The following SRI variants were observed in gnomAD, a reference collection of about 807,000 sequenced individuals.
The protein encoded by SRI is sorcin, also known as 22 kDa protein.
Under a neutral mutation model 33.3 loss-of-function variants are expected in SRI, and 30 were observed. The observed-to-expected ratio is 0.90, with a 90% CI of 0.67 to 1.22. SRI has a LOEUF of 1.22. SRI is among the 50% of genes most tolerant of loss of function. The pLI is 0.00. For missense variants in SRI, 243 were observed against 250.8 expected, an observed-to-expected ratio of 0.97 and a Z score of 0.21; for synonymous variants, 75 against 89.9, an observed-to-expected ratio of 0.83 and a Z score of 0.94.
At chr7:88,219,895 C>T in intron 1 of SRI, 81 bp downstream of exon 1, 1 of 1,496,644 alleles carries the variant, frequency 6.7e-7, no homozygotes, top group Non-Finnish European at 9.0e-7. Context: ...GCGCCTCACC[C>T]CGCTGGCCGC....
At chr7:88,220,152 C>T, upstream of SRI, 1 of 1,340,652 alleles carries the variant, frequency 7.5e-7, no homozygotes, top group East Asian at 3.1e-5. Context: ...ACGCGCTCCG[C>T]AGTCGTCTCC....
intron 3 of SRI, among the ~76,000 whole-genome samples, chr7:88,215,207 G>C (rs983832021): frequency 1.3e-4 from 20 of 152,154 alleles, no homozygotes; most frequent in African/African-American, 4.3e-4. Flanking sequence ...GGTTCAGTAC[G>C]GCCACCAGAG....
intron 6 of SRI, chr7:88,208,787 G>T (rs1851496244): frequency 1.7e-6 from 1 of 591,004 alleles, no homozygotes; most frequent in Non-Finnish European, 2.8e-6. Context: ...TGTGTTTTTT[G>T]TTTTTTTGTT....
At chr7:88,214,138 G>C (rs921920181) in intron 3 of SRI, among the ~76,000 whole-genome samples, 9 of 152,198 alleles carry the variant, frequency 5.9e-5, no homozygotes, top group Non-Finnish European at 1.0e-4. Flanking sequence ...CCCAGTAAGA[G>C]AATCAAGAAA....
At chr7:88,221,402 TCAATCATCAAGGTAG>T (rs1258674866), upstream of SRI, among the ~76,000 whole-genome samples, 1 of 152,180 alleles carries the variant, frequency 6.6e-6, no homozygotes, top group East Asian at 1.9e-4. Context: ...GTTACTGTTT[TCAATCATCAAGGTAG>T]CAATCATCAA....
At chr7:88,225,252 A>T (rs962767618) in intron 1 of SRI, among the ~76,000 whole-genome samples, 4 of 152,226 alleles carry the variant, frequency 2.6e-5, no homozygotes, top group African/African-American at 4.8e-5. Flanking sequence ...GGAATTTATT[A>T]TGGCTAAATA....
At chr7:88,223,294 A>G (rs1851930605), upstream of SRI, among the ~76,000 whole-genome samples, 1 of 152,210 alleles carries the variant, frequency 6.6e-6, no homozygotes, top group African/African-American at 2.4e-5. Flanking sequence ...TAATCTTAAT[A>G]AAAACCCATG....
chr7:88,224,154 C>G (rs1354902436), upstream of SRI, among the ~76,000 whole-genome samples: 2 of 152,156 alleles, frequency 1.3e-5, no homozygotes, highest in African/African-American at 4.8e-5. Context: ...TCACCCTTCC[C>G]AATTAAAGCT....
chr7:88,209,325 C>T lies in SRI; in HGVS notation c.511+14G>A, dbSNP rs773850312. On this transcript the variant is annotated intron_variant, in intron 6 of 7. Transcript: ENST00000265729. ...TCTTGGCTTGTGGTGATGACACGAC[C>T]TTATAGAACTCACCTGTAAGAGCCC... The T allele has an allele frequency of 6.2e-7, 1 of 1,605,140 alleles. No individual in the cohort carries two copies. Among genetic ancestry groups the T allele is most frequent in the South Asian group, 1.1e-5 (1 of 90,862 alleles).
At chr7:88,209,610 A>ATTATTTAT (rs1318947772) in intron 5 of SRI, among the ~76,000 whole-genome samples, 158 bp from the exon 6 acceptor site, 3 of 151,968 alleles carry the variant, frequency 2.0e-5, no homozygotes, top group Non-Finnish European at 4.4e-5. Context: ...TCAGGTAGCA[A>ATTATTTAT]TTATTTATTT....
At chr7:88,217,264 A>G in intron 2 of SRI, 73 bp from the exon 3 acceptor site, 1 of 1,199,082 alleles carries the variant, frequency 8.3e-7, no homozygotes, top group Admixed American at 1.7e-5. Context: ...GCATTCAATG[A>G]AGCAATAACA....
upstream of SRI, among the ~76,000 whole-genome samples, chr7:88,224,246 G>A (rs917255163): frequency 6.6e-6 from 1 of 152,196 alleles, no homozygotes; most frequent in Non-Finnish European, 1.5e-5. Flanking sequence ...CAAGACAAAC[G>A]GCAGTGTGGA....
chr7:88,219,358 T>C, intron 1 of SRI: 1 of 278,124 alleles, frequency 3.6e-6, no homozygotes, highest in South Asian at 3.6e-5. Context: ...GAGACGGGTG[T>C]AGCCTAGGGA....
chr7:88,209,451 T>C lies in SRI; in HGVS notation c.399A>G (p.Gly133=). ...TCACAGCCTGGGGACTCAACCTAAA[T>C]CCTAAAAGAAAAGCCATCCAGTAAA... ...QELQKALTTM[G]FRLSPQAVNS... Residue 133 remains glycine (G), a splice_region_variant and synonymous_variant, in exon 6 of 8, where the codon GGA becomes GGG. Coordinates refer to ENST00000265729, the MANE Select transcript of SRI (RefSeq NM_003130.4). The C allele has an allele frequency of 6.2e-7, 1 of 1,613,128 alleles. No homozygotes were observed. The highest frequency in any genetic ancestry group is 8.5e-7 in the Non-Finnish European group (1 of 1,179,236).
In SRI at chr7:88,206,044, G is replaced by T; in HGVS notation, c.*434C>A. ...GGATTACTGGATTACCTTTTTTGTTGTTTTATTTCACCCAAGTGCGTCTAT... is the reference window on the plus strand; with the variant it reads ...GGATTACTGGATTACCTTTTTTGTTTTTTTATTTCACCCAAGTGCGTCTAT... On this transcript the variant is annotated 3_prime_UTR_variant, in exon 8 of 8. Transcript: ENST00000265729. The T allele has an allele frequency of 5.7e-6, 1 of 176,142 alleles. No homozygotes were observed. The highest frequency in any genetic ancestry group is 1.2e-5 in the Non-Finnish European group (1 of 81,502). 10.9% of individuals were successfully genotyped at this position (176,142 alleles called of 1,614,324 possible).
At chr7:88,222,904 A>G (rs796289853), upstream of SRI, among the ~76,000 whole-genome samples, 4 of 152,182 alleles carry the variant, frequency 2.6e-5, no homozygotes, top group African/African-American at 9.6e-5. Context: ...ACCCTAGAAG[A>G]AAACCTAGGC....
At chr7:88,220,042 G>T (rs944237616), upstream of SRI, 2 of 1,523,364 alleles carry the variant, frequency 1.3e-6, no homozygotes, top group African/African-American at 2.8e-5. Context: ...AGACTGCGCC[G>T]CAGCCGCCCT....
intron 1 of SRI, chr7:88,226,782 C>T: frequency 1.0e-6 from 1 of 971,368 alleles, no homozygotes; most frequent in East Asian, 2.8e-5. Context: ...TTAATTGATT[C>T]TCAGCTTGGA....
upstream of SRI, among the ~76,000 whole-genome samples, chr7:88,222,786 A>T (rs1851917588): frequency 6.6e-6 from 1 of 152,190 alleles, no homozygotes; most frequent in South Asian, 2.1e-4. Context: ...CTGGGAAAAC[A>T]GGCTAGCCAT....
Sources: gnomAD v4.1 joint callset for allele counts (sites outside exome capture counted in the v4.1 genomes callset) on GRCh38, gnomAD v4.1.1 for gene constraint, MANE v1.5 for transcripts, NCBI Gene and HGNC (gene_info 2026-07-23, HGNC 2026-07-21) for gene names.